The following ADARB2 variants were observed in gnomAD, a reference collection of about 807,000 sequenced individuals.
ADARB2 encodes adenosine deaminase RNA specific B2 (inactive), also known as inactive double-stranded RNA-specific editase B2.
In ADARB2, 25 loss-of-function variants were observed where a neutral mutation model predicts 62.2. The ratio of observed to expected loss-of-function variants is 0.40; its 90% confidence interval spans 0.29 to 0.56. The LOEUF (loss-of-function observed/expected upper bound fraction) is 0.56, where lower values mean the gene tolerates loss of function less well. Ranked by LOEUF, ADARB2 falls within the 20% of genes least tolerant of loss-of-function variation. The pLI, the probability that ADARB2 is intolerant of heterozygous loss-of-function variation, is 0.43. For synonymous variants in ADARB2, 572 were observed against 500.8 expected, an observed-to-expected ratio of 1.14 and a Z score of -1.90; for missense variants, 1,071 against 1,077.4, an observed-to-expected ratio of 0.99 and a Z score of 0.08.
At chr10:1,547,196 CTG>C (rs899069422) in intron 1 of ADARB2, among the ~76,000 whole-genome samples, 40 of 149,860 alleles carry the variant, frequency 2.7e-4, no homozygotes, top group African/African-American at 8.3e-4. Context: ...GGTGTATACA[CTG>C]TGGGGAGGGG....
intron 1 of ADARB2, among the ~76,000 whole-genome samples, chr10:1,490,749 C>A (rs1831611655): frequency 6.6e-6 from 1 of 152,204 alleles, no homozygotes; most frequent in Admixed American, 6.5e-5. Context: ...GCCAAGACAG[C>A]CAGCCTGCTA....
intron 1 of ADARB2, among the ~76,000 whole-genome samples, chr10:1,602,271 G>A (rs1000143203): frequency 3.3e-5 from 5 of 152,192 alleles, no homozygotes; most frequent in Admixed American, 1.3e-4. Flanking sequence ...GCCGCTTCCC[G>A]AGGTTCCTTC....
intron 1 of ADARB2, among the ~76,000 whole-genome samples, chr10:1,603,583 C>G (rs1223291780): frequency 6.6e-6 from 1 of 151,814 alleles, no homozygotes. Flanking sequence ...GTGCCCAGTG[C>G]CATGGAGGTT....
intron 1 of ADARB2, among the ~76,000 whole-genome samples, chr10:1,644,196 C>T (rs1204727512): frequency 3.3e-5 from 5 of 152,192 alleles, no homozygotes; most frequent in Non-Finnish European, 7.3e-5. Context: ...AAGTATTCCT[C>T]CAGGGCTTTT....
intron 1 of ADARB2, among the ~76,000 whole-genome samples, chr10:1,576,084 GGCTC>G (rs1833013412): frequency 7.0e-6 from 1 of 142,472 alleles, no homozygotes; most frequent in Non-Finnish European, 1.5e-5. Context: ...CACAGGAGGG[GGCTC>G]AGGGCCACGG....
At chr10:1,384,411 T>C (rs551874407) in intron 1 of ADARB2, among the ~76,000 whole-genome samples, 12 of 152,242 alleles carry the variant, frequency 7.9e-5, no homozygotes, top group Non-Finnish European at 1.6e-4. Context: ...GTGTGTGAAG[T>C]GATCTTGAGC....
intron 1 of ADARB2, among the ~76,000 whole-genome samples, chr10:1,441,381 T>A (rs1196415609): frequency 6.6e-6 from 1 of 152,192 alleles, no homozygotes. Context: ...GAAAGAAGAG[T>A]TAGTGTGGTT....
intron 1 of ADARB2, among the ~76,000 whole-genome samples, chr10:1,541,070 C>G (rs1399473562): frequency 9.0e-5 from 7 of 78,184 alleles, no homozygotes; most frequent in Non-Finnish European, 1.4e-4. Flanking sequence ...CGCCCAGACC[C>G]CACTCAGATG....
At chr10:1,248,186 G>A (rs542012930) in intron 4 of ADARB2, among the ~76,000 whole-genome samples, 17 of 152,288 alleles carry the variant, frequency 1.1e-4, no homozygotes, top group Middle Eastern at 3.4e-3. Flanking sequence ...GGAAGCTCTG[G>A]AGTGTGAGGC....
chr10:1,365,185 T>G (rs1053048789), intron 2 of ADARB2, among the ~76,000 whole-genome samples: 2 of 152,038 alleles, frequency 1.3e-5, no homozygotes, highest in African/African-American at 4.8e-5. Flanking sequence ...TTTTGGTAAT[T>G]CTCAAAATAT....
chr10:1,364,658 T>C lies in ADARB2; in HGVS notation c.188-741A>G, dbSNP rs111482437. Among the ~76,000 whole-genome samples the C allele has an allele frequency of 7.8e-3, 1,184 of 152,346 alleles. 10 individuals are homozygous for C. The highest frequency in any genetic ancestry group is 0.013 in the Admixed American group (192 of 15,314). On this transcript the variant is annotated intron_variant, in intron 2 of 9. Transcript: ENST00000381312. The stretch of plus-strand genomic sequence containing the variant: ...TGTTATTAGTCCCTAAACAATACAG[T>C]ATAACAATGATTTGCATAGCGTTTA...
intron 3 of ADARB2, chr10:1,292,263 C>G (rs1368215462): frequency 6.6e-6 from 1 of 152,200 alleles, no homozygotes; most frequent in African/African-American, 2.4e-5. Flanking sequence ...CCGCACCTGG[C>G]TAGAATCTTG....
At chr10:1,400,211 G>A (rs112673763) in intron 1 of ADARB2, among the ~76,000 whole-genome samples, 40 of 152,346 alleles carry the variant, frequency 2.6e-4, no homozygotes, top group African/African-American at 7.7e-4. Flanking sequence ...TCTCTCCTGC[G>A]TGGGTCGGCA....
intron 1 of ADARB2, among the ~76,000 whole-genome samples, chr10:1,736,633 G>T (rs1405019867): frequency 6.6e-6 from 1 of 152,248 alleles, no homozygotes; most frequent in Non-Finnish European, 1.5e-5. Flanking sequence ...GGACAGTTTG[G>T]ATGGGAGTAG....
chr10:1,721,611 A>G (rs1564204423), intron 1 of ADARB2, among the ~76,000 whole-genome samples: 1 of 152,248 alleles, frequency 6.6e-6, no homozygotes, highest in African/African-American at 2.4e-5. Context: ...CACATAAAGA[A>G]TTTTATGCAT....
intron 1 of ADARB2, among the ~76,000 whole-genome samples, chr10:1,444,222 C>A (rs1830937015): frequency 6.7e-6 from 1 of 150,172 alleles, no homozygotes; most frequent in South Asian, 2.1e-4. Flanking sequence ...ATCCATCTAT[C>A]CATCCATCCA....
intron 2 of ADARB2, among the ~76,000 whole-genome samples, chr10:1,371,199 C>A (rs1221799558): frequency 1.3e-5 from 2 of 152,190 alleles, no homozygotes; most frequent in African/African-American, 2.4e-5. Context: ...GGGGAAAGGA[C>A]ATCCTAGTCA....
chr10:1,182,892 T>C lies in ADARB2; in HGVS notation c.*301A>G. On this transcript the variant is annotated 3_prime_UTR_variant, in exon 10 of 10. Transcript: ENST00000381312. ...TCGTGTCGGTGCCTCCTTCCAAGGC[T>C]GCAGCTAAAACCCCTTTGCCTGAAT... is the stretch of plus-strand genomic sequence containing the variant. The C allele has an allele frequency of 3.1e-6, 1 of 322,738 alleles. No individual in the cohort carries two copies. The highest frequency in any genetic ancestry group is 5.8e-6 in the Non-Finnish European group (1 of 172,494). 20.0% of individuals were successfully genotyped at this position (322,738 alleles called of 1,614,324 possible).
chr10:1,312,945 C>T lies in ADARB2; in HGVS notation c.1078-41876G>A, dbSNP rs200846078. ...TAGATGGTGGGGGATGGAGTGGACA[C>T]AAGAGGGCGGCAGGAGAGGGGTGGG... is the stretch of plus-strand genomic sequence containing the variant. On this transcript the variant is annotated intron_variant, in intron 3 of 9. Coordinates refer to ENST00000381312, the MANE Select transcript of ADARB2 (RefSeq NM_018702.4). Among the ~76,000 whole-genome samples, 9 of 152,282 alleles carry T rather than the reference C, an allele frequency of 5.9e-5. No individual in the cohort carries two copies. In the East Asian group the frequency reaches 1.4e-3, roughly 23 times the overall value.
Sources: allele counts gnomAD v4.1 joint callset (sites outside exome capture counted in the v4.1 genomes callset), GRCh38; gene constraint gnomAD v4.1.1; transcripts MANE v1.5; gene names NCBI Gene and HGNC (gene_info 2026-07-23, HGNC 2026-07-21).